TMC1: variants seen among roughly 807,000 people sequenced by gnomAD.
The protein encoded by TMC1 is transmembrane channel like 1.
In TMC1, 84 loss-of-function variants were observed where a neutral mutation model predicts 105.8. The ratio of observed to expected loss-of-function variants is 0.79; its 90% CI spans 0.67 to 0.95. The LOEUF (loss-of-function observed/expected upper bound fraction) is 0.95, where lower values mean the gene tolerates loss of function less well. TMC1 is among the 40% of genes least tolerant of loss of function. The pLI, the probability that TMC1 is intolerant of heterozygous loss-of-function variation, is 0.00. For missense variants in TMC1, 817 were observed against 914.1 expected (o/e 0.89, Z 1.37); for synonymous variants, 315 against 311.5 (o/e 1.01, Z -0.12).
At chr9:72,794,575 C>T (rs1828331842) in intron 17 of TMC1, among the ~76,000 whole-genome samples, 1 of 152,184 alleles carries the variant, frequency 6.6e-6, no homozygotes, top group African/African-American at 2.4e-5. Context: ...AATAAAGACC[C>T]TGTGCAAAGC....
intron 1 of TMC1, among the ~76,000 whole-genome samples, chr9:72,549,608 ATTTTTTTTTT>A (rs71357585): frequency 2.5e-5 from 3 of 120,838 alleles, no homozygotes; most frequent in Non-Finnish European, 5.1e-5. Flanking sequence ...ACATCTGGCT[ATTTTTTTTTT>A]TTTTTTTTTT....
chr9:72,769,278 A>G (rs1024387018), intron 12 of TMC1, among the ~76,000 whole-genome samples: 2 of 152,240 alleles, frequency 1.3e-5, no homozygotes, highest in African/African-American at 4.8e-5. Context: ...ATGGTAAATA[A>G]TAATTCCTCC....
intron 23 of TMC1, among the ~76,000 whole-genome samples, chr9:72,834,183 G>C (rs1829084727): frequency 6.6e-6 from 1 of 151,722 alleles, no homozygotes; most frequent in African/African-American, 2.4e-5. Context: ...TCTGCAAGCT[G>C]TTTTGTTCTT....
At chr9:72,536,617 C>T in intron 1 of TMC1, among the ~76,000 whole-genome samples, 1 of 152,178 alleles carries the variant, frequency 6.6e-6, no homozygotes, top group Admixed American at 6.5e-5. Context: ...CAGACGTGAG[C>T]CACCGCGCCT....
Position 72,596,057 on chromosome 9 carries a change from A to G in TMC1, c.-306+18034A>G, listed in dbSNP as rs1448577919. On this transcript the variant is annotated intron_variant, in intron 2 of 23. Coordinates refer to ENST00000297784, the MANE Select transcript of TMC1 (RefSeq NM_138691.3). Reference sequence around the variant, plus strand: ...ACGCCCGGCTAATTTTTGTATTTTTAGTAAAGACAGGGTTTCACCATATTG... The same window carrying G: ...ACGCCCGGCTAATTTTTGTATTTTTGGTAAAGACAGGGTTTCACCATATTG... Among the ~76,000 whole-genome samples, 5 of 151,534 alleles carry G rather than the reference A, an allele frequency of 3.3e-5. No homozygotes were observed. The East Asian group carries it at 9.7e-4, about 29-fold the overall frequency.
At chr9:72,591,690 C>T (rs1409323073) in intron 2 of TMC1, among the ~76,000 whole-genome samples, 1 of 152,080 alleles carries the variant, frequency 6.6e-6, no homozygotes, top group Non-Finnish European at 1.5e-5. Flanking sequence ...GCCACTTCAG[C>T]TTCCTGAGTA....
intron 2 of TMC1, among the ~76,000 whole-genome samples, chr9:72,597,123 A>G (rs1824733978): frequency 6.6e-6 from 1 of 152,252 alleles, no homozygotes; most frequent in South Asian, 2.1e-4. Context: ...ATGAGGAGAT[A>G]GGAAATTCCT....
intron 2 of TMC1, among the ~76,000 whole-genome samples, chr9:72,590,041 C>CT (rs1417208848): frequency 3.9e-5 from 6 of 152,198 alleles, no homozygotes; most frequent in African/African-American, 1.4e-4. Context: ...CAGCCCTTGG[C>CT]TGCCTCTCCT....
chr9:72,729,857 A>G (rs528903420), intron 8 of TMC1, among the ~76,000 whole-genome samples: 2 of 152,178 alleles, frequency 1.3e-5, no homozygotes, highest in Non-Finnish European at 2.9e-5. Flanking sequence ...AAAACTGTCC[A>G]TTTTTATGCT....
At chr9:72,682,416 G>A (rs550996413) in intron 5 of TMC1, among the ~76,000 whole-genome samples, 4 of 152,060 alleles carry the variant, frequency 2.6e-5, no homozygotes, top group Non-Finnish European at 5.9e-5. Context: ...GGTTTATTAA[G>A]GTATTTGATT....
rs75930235 is a variant in TMC1 at position 72,676,404 on chromosome 9, T to C, written c.17-12305T>C. ...TGTGTGTTGGTATGTGTCAAAGCAT[T>C]TGAATGCCCTTGTAGACTATTAAAA... On this transcript the variant is annotated intron_variant, in intron 5 of 23. Coordinates refer to ENST00000297784, the MANE Select transcript of TMC1 (RefSeq NM_138691.3). Among the ~76,000 whole-genome samples, 1,490 of 152,274 alleles carry C rather than the reference T, an allele frequency of 9.8e-3. 29 individuals carry two copies. The highest frequency in any genetic ancestry group is 0.034 in the African/African-American group (1,420 of 41,546).
chr9:72,554,101 T>C (rs1013426255), intron 1 of TMC1, among the ~76,000 whole-genome samples: 5 of 152,188 alleles, frequency 3.3e-5, no homozygotes, highest in Admixed American at 1.3e-4. Context: ...AAAATCTTGG[T>C]ATTTTTATAA....
intron 1 of TMC1, among the ~76,000 whole-genome samples, chr9:72,524,181 AG>A (rs1307823031): frequency 6.6e-6 from 1 of 152,138 alleles, no homozygotes; most frequent in African/African-American, 2.4e-5. Context: ...TTTTTTCTTC[AG>A]GTTTAGAATG....
At chr9:72,574,809 C>T (rs1054617635) in intron 1 of TMC1, among the ~76,000 whole-genome samples, 1 of 152,188 alleles carries the variant, frequency 6.6e-6, no homozygotes, top group East Asian at 1.9e-4. Context: ...TCCTACTAGT[C>T]CCCACATACG....
At chr9:72,805,054 A>G (rs141708313) in intron 17 of TMC1, among the ~76,000 whole-genome samples, 1 of 152,340 alleles carries the variant, frequency 6.6e-6, no homozygotes, top group Non-Finnish European at 1.5e-5. Flanking sequence ...TTGTCTTTCA[A>G]GTCTGTAAAT....
intron 13 of TMC1, among the ~76,000 whole-genome samples, chr9:72,776,936 A>C (rs1828015903): frequency 6.6e-6 from 1 of 152,004 alleles, no homozygotes; most frequent in Non-Finnish European, 1.5e-5. Context: ...GTATTAAAAT[A>C]GTTTCTTGTC....
intron 13 of TMC1, among the ~76,000 whole-genome samples, chr9:72,777,590 C>G (rs1402716903): frequency 6.6e-6 from 1 of 152,132 alleles, no homozygotes; most frequent in East Asian, 1.9e-4. Context: ...ATGCTTGGAG[C>G]AGAAAAGCAA....
At chr9:72,585,790 C>T (rs1824546415) in intron 2 of TMC1, among the ~76,000 whole-genome samples, 1 of 152,080 alleles carries the variant, frequency 6.6e-6, no homozygotes, top group Non-Finnish European at 1.5e-5. Context: ...ATTCAGCCAT[C>T]AAGAATCATG....
At chr9:72,640,509 C>T (rs1181297262) in intron 4 of TMC1, among the ~76,000 whole-genome samples, 1 of 152,172 alleles carries the variant, frequency 6.6e-6, no homozygotes, top group Non-Finnish European at 1.5e-5. Context: ...GTGCCAATCT[C>T]CTCTTACCTG....
Sources: allele counts gnomAD v4.1 joint callset (sites outside exome capture counted in the v4.1 genomes callset), GRCh38; gene constraint gnomAD v4.1.1; transcripts MANE v1.5; gene names NCBI Gene and HGNC (gene_info 2026-07-23, HGNC 2026-07-21).